YAP1: variants seen among roughly 807,000 people sequenced by gnomAD.
YAP1 encodes transcriptional coactivator YAP1.
A neutral mutation model predicts 56.9 loss-of-function variants in YAP1; 5 were observed. The observed-to-expected ratio is 0.09, with a 90% CI of 0.05 to 0.18. The LOEUF (loss-of-function observed/expected upper bound fraction) is 0.18. Among genes scored for constraint, YAP1 ranks in the 10% least tolerant of loss-of-function variants. The pLI, the probability that YAP1 is intolerant of heterozygous loss-of-function variation, is 1.00. For missense variants in YAP1, 539 were observed against 651.8 expected (o/e 0.83, Z 1.88); for synonymous variants, 265 against 248.1 (o/e 1.07, Z -0.64).
intron 2 of YAP1, among the ~76,000 whole-genome samples, chr11:102,145,222 G>A (rs1945263374): frequency 6.6e-6 from 1 of 152,194 alleles, no homozygotes; most frequent in South Asian, 2.1e-4. Context: ...CCTAAGAATA[G>A]AAGTGCTCTG....
At chr11:102,223,418 A>T (rs1181995168) in intron 6 of YAP1, among the ~76,000 whole-genome samples, 6 of 152,158 alleles carry the variant, frequency 3.9e-5, no homozygotes, top group African/African-American at 9.7e-5. Context: ...ATATGACTAG[A>T]CAGACTTTAA....
At chr11:102,200,444 CTTT>C (rs200365533) in intron 4 of YAP1, among the ~76,000 whole-genome samples, 7 of 131,166 alleles carry the variant, frequency 5.3e-5, no homozygotes, top group South Asian at 2.5e-4. Flanking sequence ...AAAGAATAAG[CTTT>C]TTTTTTTTTT....
At chr11:102,157,712 A>G (rs1477711850) in intron 2 of YAP1, among the ~76,000 whole-genome samples, 1 of 152,172 alleles carries the variant, frequency 6.6e-6, no homozygotes, top group Non-Finnish European at 1.5e-5. Context: ...TTCTTCAGGG[A>G]AGTGGGTGAC....
chr11:102,116,778 T>C (rs1038137485), intron 2 of YAP1, among the ~76,000 whole-genome samples: 3 of 152,142 alleles, frequency 2.0e-5, no homozygotes, highest in Non-Finnish European at 4.4e-5. Flanking sequence ...GTGAGGAATT[T>C]TGATTCCATG....
chr11:102,112,541 G>C, intron 1 of YAP1: 15 of 981,392 alleles, frequency 1.5e-5, no homozygotes, highest in Non-Finnish European at 1.8e-5. Context: ...CACTCGGGAT[G>C]TAACTTGAGT....
chr11:102,133,114 C>T (rs1665674415), intron 2 of YAP1, among the ~76,000 whole-genome samples: 3 of 152,168 alleles, frequency 2.0e-5, no homozygotes, highest in South Asian at 2.1e-4. Flanking sequence ...GCCAAGATGG[C>T]GCCACTGCAC....
intron 2 of YAP1, among the ~76,000 whole-genome samples, chr11:102,128,814 T>TC (rs1472163525): frequency 2.6e-5 from 4 of 152,340 alleles, no homozygotes; most frequent in African/African-American, 9.6e-5. Context: ...TCCTATCTGT[T>TC]CGTTTGCCAT....
At chr11:102,205,096 A>G (rs1336484615) in intron 4 of YAP1, among the ~76,000 whole-genome samples, 1 of 152,166 alleles carries the variant, frequency 6.6e-6, no homozygotes, top group Admixed American at 6.5e-5. Context: ...GAAATTCACT[A>G]GTATAAAAAC....
At chr11:102,212,094 A>G (rs1057299735) in intron 6 of YAP1, among the ~76,000 whole-genome samples, 3 of 152,236 alleles carry the variant, frequency 2.0e-5, no homozygotes, top group African/African-American at 4.8e-5. Flanking sequence ...CCCAAAGAAC[A>G]GAGGGTATAA....
chr11:102,139,053 GTT>G (rs563534544), intron 2 of YAP1, among the ~76,000 whole-genome samples: 2 of 145,586 alleles, frequency 1.4e-5, no homozygotes, highest in Non-Finnish European at 1.5e-5. Flanking sequence ...ATGAAAACAA[GTT>G]TTTTTTTTTT....
chr11:102,188,347 A>G (rs1461778325), intron 4 of YAP1, among the ~76,000 whole-genome samples: 2 of 152,144 alleles, frequency 1.3e-5, no homozygotes, highest in African/African-American at 2.4e-5. Flanking sequence ...TTAGAATGGG[A>G]GCTAAGCCCC....
chr11:102,131,067 G>A (rs1261956804), intron 2 of YAP1, among the ~76,000 whole-genome samples: 1 of 152,148 alleles, frequency 6.6e-6, no homozygotes, highest in East Asian at 1.9e-4. Context: ...ATAAGAATTT[G>A]CACAGCTTAT....
intron 6 of YAP1, among the ~76,000 whole-genome samples, chr11:102,210,204 G>T (rs192329317): frequency 3.8e-4 from 58 of 152,294 alleles, no homozygotes; most frequent in African/African-American, 1.2e-3. Context: ...TGTCTGACTC[G>T]TGGGAAGAAT....
intron 6 of YAP1, among the ~76,000 whole-genome samples, chr11:102,223,253 C>CAAAAAAAAAA (rs1013718662): frequency 1.9e-5 from 1 of 52,420 alleles, no homozygotes; most frequent in African/African-American, 6.6e-5. Context: ...TCTTGAAGAA[C>CAAAAAAAAAA]AAAAAAAAAA....
At chr11:102,169,047 A>AGGGC (rs1946754370) in intron 3 of YAP1, among the ~76,000 whole-genome samples, 1 of 152,184 alleles carries the variant, frequency 6.6e-6, no homozygotes, top group South Asian at 2.1e-4. Flanking sequence ...GTTAAGACCA[A>AGGGC]GGGCTCTGGA....
chr11:102,157,940 T>C (rs1565211944), intron 2 of YAP1, among the ~76,000 whole-genome samples: 1 of 152,218 alleles, frequency 6.6e-6, no homozygotes, highest in Non-Finnish European at 1.5e-5. Flanking sequence ...TAAAAAAGTT[T>C]CTAATTATGG....
At chr11:102,171,602 T>C (rs924147360) in intron 3 of YAP1, among the ~76,000 whole-genome samples, 2 of 152,200 alleles carry the variant, frequency 1.3e-5, no homozygotes, top group African/African-American at 4.8e-5. Flanking sequence ...TCTAAGCCAT[T>C]TCATTGAGTT....
chr11:102,142,668 T>C (rs1055651391), intron 2 of YAP1, among the ~76,000 whole-genome samples: 3 of 152,256 alleles, frequency 2.0e-5, no homozygotes, highest in African/African-American at 7.2e-5. Flanking sequence ...AAGTTTTGTA[T>C]GTGTCACTTT....
At chr11:102,168,906 G>A (rs529242307) in intron 3 of YAP1, among the ~76,000 whole-genome samples, 2 of 152,330 alleles carry the variant, frequency 1.3e-5, no homozygotes, top group South Asian at 4.1e-4. Flanking sequence ...AGCACAGAGA[G>A]GGTAAAGATG....
Sources: gnomAD v4.1 joint callset for allele counts (sites outside exome capture counted in the v4.1 genomes callset) on GRCh38, gnomAD v4.1.1 for gene constraint, MANE v1.5 for transcripts, NCBI Gene and HGNC (gene_info 2026-07-23, HGNC 2026-07-21) for gene names.